The following ST6GAL1 variants were observed in gnomAD, a reference collection of about 807,000 sequenced individuals.
The protein encoded by ST6GAL1 is beta-galactoside alpha-2,6-sialyltransferase 1.
ST6GAL1 carries 20 observed loss-of-function variants against 38.0 expected under a neutral mutation model. The observed-to-expected ratio is 0.53, with a 90% CI of 0.37 to 0.77. The LOEUF (loss-of-function observed/expected upper bound fraction) is 0.77. ST6GAL1 is among the 30% of genes least tolerant of loss of function. The probability of loss-of-function intolerance (pLI) is 0.00; values close to 1 mark genes in which losing one functional copy is unlikely to be tolerated. For missense variants in ST6GAL1, 432 were observed against 496.4 expected, an observed-to-expected ratio of 0.87 and a Z score of 1.23; for synonymous variants, 196 against 188.2, an observed-to-expected ratio of 1.04 and a Z score of -0.34.
At chr3:187,024,386 C>A (rs941835229) in intron 2 of ST6GAL1, among the ~76,000 whole-genome samples, 3 of 151,126 alleles carry the variant, frequency 2.0e-5, no homozygotes, top group African/African-American at 7.3e-5. Flanking sequence ...AGCCACCGCG[C>A]CCAGCCTAAA....
At chr3:187,073,515 T>G (rs150094327) in intron 6 of ST6GAL1, 2 of 160,286 alleles carry the variant, frequency 1.2e-5, no homozygotes, top group East Asian at 3.7e-4. Flanking sequence ...GAGACATGAG[T>G]GGCAGGCCTG....
At position 187,043,120 on chromosome 3, in the gene ST6GAL1, C is replaced by T. The variant is rs898835666; in HGVS notation, c.417C>T (p.Ala139=). 1.9e-5 allele frequency: 30 copies of T among 1,614,180 alleles called. No individual in the cohort carries two copies. The highest frequency in any genetic ancestry group is 2.5e-5 in the Non-Finnish European group (29 of 1,180,020). Residue 139 remains alanine (A), a synonymous_variant, in exon 4 of 8, where the codon GCC becomes GCT. Transcript: ENST00000169298. ...PGPGIKFSAE[A]LRCHLRDHVN... is the part of the protein sequence containing the mutation. ...CAGGCATCAAGTTCAGTGCAGAGGC[C>T]CTGCGCTGCCACCTCCGGGACCATG...
In ST6GAL1 at chr3:186,993,555, G is replaced by GT. The variant is rs143918092; in HGVS notation, c.-183+29633dup. On this transcript the variant is annotated intron_variant, in intron 2 of 7. Coordinates refer to ENST00000169298, the MANE Select transcript of ST6GAL1 (RefSeq NM_173216.2). ...CTTCTCAGTTAGATAACTTGACAGA[G>GT]TTTTATTTATTTATTTATTTATTTA... Among the ~76,000 whole-genome samples the GT allele has an allele frequency of 1.2e-3, 137 of 118,696 alleles. 1 individual carries two copies. The highest frequency in any genetic ancestry group is 4.1e-3 in the African/African-American group (123 of 30,182). The allele number at this position is 118,696 out of a possible 152,430, so 77.9% of individuals were successfully genotyped here. A position where few individuals can be genotyped will look rare whatever the true frequency, so the allele number is the denominator to read the frequency against.
At chr3:187,029,986 A>T (rs1305112566) in intron 2 of ST6GAL1, among the ~76,000 whole-genome samples, 1 of 152,186 alleles carries the variant, frequency 6.6e-6, no homozygotes, top group Non-Finnish European at 1.5e-5. Context: ...ACTCAAGATT[A>T]TGGAAGGTAT....
chr3:187,036,283 C>CGTT (rs1717928963), intron 2 of ST6GAL1, among the ~76,000 whole-genome samples: 1 of 152,148 alleles, frequency 6.6e-6, no homozygotes, highest in Non-Finnish European at 1.5e-5. Context: ...AAAGGGAACA[C>CGTT]CTACACACTG....
intron 2 of ST6GAL1, among the ~76,000 whole-genome samples, chr3:186,979,383 T>C (rs1021303641): frequency 4.6e-5 from 7 of 152,106 alleles, no homozygotes; most frequent in African/African-American, 1.7e-4. Flanking sequence ...GGCCTTACAG[T>C]TGGGAAGTGA....
intron 6 of ST6GAL1, chr3:187,073,944 A>G: frequency 2.5e-6 from 1 of 398,464 alleles, no homozygotes; most frequent in Non-Finnish European, 4.4e-6. Context: ...ACTCTCCCCC[A>G]AAGCACAGGC....
Position 187,042,840 on chromosome 3 carries a change from A to G in ST6GAL1, c.137A>G (p.Gln46Arg), listed in dbSNP as rs1034480430. Reference sequence around the variant, plus strand: ...TTTAAATTGCAAACCAAGGAATTCCAGGTGTTAAAGAGTCTGGGGAAATTG... The same window carrying G: ...TTTAAATTGCAAACCAAGGAATTCCGGGTGTTAAAGAGTCTGGGGAAATTG... ...DSFKLQTKEFQVLKSLGKLAM... is the reference protein window; with the variant it reads ...DSFKLQTKEFRVLKSLGKLAM... Residue 46 changes from glutamine to arginine, a missense_variant, in exon 4 of 8, where the codon CAG becomes CGG. Transcript: ENST00000169298. 6.2e-7 allele frequency: 1 copy of G among 1,614,066 alleles called. No homozygotes were observed. Among genetic ancestry groups the G allele is most frequent in the African/African-American group, 1.3e-5 (1 of 74,930 alleles).
intron 2 of ST6GAL1, among the ~76,000 whole-genome samples, chr3:187,031,908 T>G (rs1442833309): frequency 6.6e-6 from 1 of 152,246 alleles, no homozygotes; most frequent in African/African-American, 2.4e-5. Context: ...TCTTGATAAA[T>G]CTGATTCCAA....
chr3:187,028,164 G>A (rs1343919149), intron 2 of ST6GAL1, among the ~76,000 whole-genome samples: 1 of 152,174 alleles, frequency 6.6e-6, no homozygotes, highest in Non-Finnish European at 1.5e-5. Context: ...AAAGGAAAGA[G>A]AAATAAGGCA....
intron 5 of ST6GAL1, among the ~76,000 whole-genome samples, chr3:187,054,064 G>A (rs1718605731): frequency 6.6e-6 from 1 of 152,134 alleles, no homozygotes; most frequent in South Asian, 2.1e-4. Flanking sequence ...TGTAGCAATT[G>A]TGAATGAGAG....
chr3:187,033,302 A>G (rs1013988504), intron 2 of ST6GAL1, among the ~76,000 whole-genome samples: 1 of 152,168 alleles, frequency 6.6e-6, no homozygotes, highest in African/African-American at 2.4e-5. Context: ...TTACCCAGCT[A>G]CTGGGGAGGC....
intron 2 of ST6GAL1, among the ~76,000 whole-genome samples, chr3:186,971,416 A>G (rs1204385185): frequency 6.6e-6 from 1 of 152,206 alleles, no homozygotes; most frequent in East Asian, 1.9e-4. Context: ...CTGTTTTAAT[A>G]GATGTGTAGT....
At chr3:187,030,041 G>A (rs1717687170) in intron 2 of ST6GAL1, among the ~76,000 whole-genome samples, 1 of 152,182 alleles carries the variant, frequency 6.6e-6, no homozygotes, top group Admixed American at 6.5e-5. Context: ...GGGAGTGAGT[G>A]GCCGTGGTCA....
chr3:186,956,659 G>T (rs1202659052), intron 1 of ST6GAL1, among the ~76,000 whole-genome samples: 1 of 152,140 alleles, frequency 6.6e-6, no homozygotes, highest in Non-Finnish European at 1.5e-5. Context: ...AAACTTAAGA[G>T]CCCAAGAGAA....
At chr3:187,010,492 G>C (rs1424640089) in intron 2 of ST6GAL1, among the ~76,000 whole-genome samples, 1 of 152,226 alleles carries the variant, frequency 6.6e-6, no homozygotes, top group Admixed American at 6.5e-5. Context: ...AGATGGAGTT[G>C]TCCAGGCTGG....
chr3:187,037,917 G>A (rs532650380), intron 2 of ST6GAL1, among the ~76,000 whole-genome samples: 4 of 150,826 alleles, frequency 2.7e-5, no homozygotes, highest in East Asian at 2.0e-4. Context: ...ACTTTTTCAC[G>A]TTTTTTTAAA....
chr3:186,993,585 TTTATTTATTTATTTATTTA>T (rs376326929), intron 2 of ST6GAL1, among the ~76,000 whole-genome samples: 7,532 of 148,258 alleles, frequency 0.051, 300 homozygotes, highest in Admixed American at 0.088. Context: ...TATTTATTTA[TTTATTTATTTATTTATTTA>T]TATGTTTTAG....
At chr3:187,048,713 G>A (rs1718395230) in intron 4 of ST6GAL1, among the ~76,000 whole-genome samples, 1 of 152,120 alleles carries the variant, frequency 6.6e-6, no homozygotes, top group Non-Finnish European at 1.5e-5. Flanking sequence ...CTGGCATAGA[G>A]TAGGTGCTCA....
Sources: gnomAD v4.1 joint callset for allele counts (sites outside exome capture counted in the v4.1 genomes callset) on GRCh38, gnomAD v4.1.1 for gene constraint, MANE v1.5 for transcripts, NCBI Gene and HGNC (gene_info 2026-07-23, HGNC 2026-07-21) for gene names.